Variants in DAZL observed in about 807,000 individuals in gnomAD.
The protein encoded by DAZL is deleted in azoospermia-like.
Under a neutral mutation model 45.0 loss-of-function variants are expected in DAZL, and 4 were observed. The ratio of observed to expected loss-of-function variants is 0.09; its 90% CI spans 0.04 to 0.20. The LOEUF (loss-of-function observed/expected upper bound fraction) is 0.20, where lower values mean the gene tolerates loss of function less well. Ranked by LOEUF, DAZL falls within the 10% of genes least tolerant of loss-of-function variation. The pLI, the probability that DAZL is intolerant of heterozygous loss-of-function variation, is 1.00. For synonymous variants in DAZL, 122 were observed against 112.4 expected (o/e 1.09, Z -0.54); for missense variants, 326 against 351.3 (o/e 0.93, Z 0.58).
At chr3:16,590,305 G>A (rs78535035) in intron 10 of DAZL, among the ~76,000 whole-genome samples, 1,565 of 125,758 alleles carry the variant, frequency 0.012, 14 homozygotes, top group Non-Finnish European at 0.023. Flanking sequence ...TCTGCTATAC[G>A]GCTCTACTCT....
chr3:16,588,096 G>T lies in DAZL; in HGVS notation c.*564C>A. 6.3e-6 allele frequency: 1 copy of T among 158,816 alleles called. No homozygotes were observed. The allele number at this position is 158,816 out of a possible 1,614,324, so 9.8% of individuals were successfully genotyped here. On this transcript the variant is annotated 3_prime_UTR_variant, in exon 11 of 11. Coordinates refer to ENST00000399444, the MANE Select transcript of DAZL (RefSeq NM_001351.4). ...GAATAAACATATGACCCACTGATTGGACTGTTCGCTTTGAATCTGTTTTGC... is the reference window on the plus strand; with the variant it reads ...GAATAAACATATGACCCACTGATTGTACTGTTCGCTTTGAATCTGTTTTGC...
rs1309564743 is a variant in DAZL, at chr3:16,588,673, A to G, written c.875T>C (p.Leu292Pro). 1 of 1,611,504 alleles carries G rather than the reference A, an allele frequency of 6.2e-7. No individual in the cohort carries two copies. The highest frequency in any genetic ancestry group is 1.1e-5 in the South Asian group (1 of 91,026). Reference protein sequence around the residue: ...VHHFRRSRAMLKSV With the variant: ...VHHFRRSRAMPKSV ...AAGCCAGGAGGATCAAACAGATTTA[A>G]GCATTGCCCGACTTCTTCTAAAGTG... The change falls in exon 11 of 11, where the codon CTT becomes CCT. Residue 292 changes from leucine to proline, a missense_variant. This residue lies in a region of DAZL where 227 missense variants were observed against 216.6 expected (regional missense o/e 1.05). Coordinates refer to ENST00000399444, the MANE Select transcript of DAZL (RefSeq NM_001351.4).
intron 6 of DAZL, among the ~76,000 whole-genome samples, chr3:16,596,502 G>A (rs1490033194): frequency 1.3e-5 from 2 of 152,000 alleles, no homozygotes; most frequent in Admixed American, 1.3e-4. Context: ...GGGGAAAAAG[G>A]AAGAGATTTC....
At chr3:16,603,781 T>C (rs1363153455) in intron 1 of DAZL, among the ~76,000 whole-genome samples, 2 of 152,176 alleles carry the variant, frequency 1.3e-5, no homozygotes, top group African/African-American at 4.8e-5. Context: ...AAGATGCAAG[T>C]TGTAAAATAG....
At chr3:16,594,490 C>A in intron 8 of DAZL, 43 bp downstream of exon 8, 1 of 1,433,260 alleles carries the variant, frequency 7.0e-7, no homozygotes, top group Non-Finnish European at 9.5e-7. Flanking sequence ...AAAAAAAATA[C>A]TTTAAAATAA....
At chr3:16,588,787 A>G in intron 10 of DAZL, 74 bp from the exon 11 acceptor site, 1 of 1,210,584 alleles carries the variant, frequency 8.3e-7, no homozygotes, top group Middle Eastern at 1.9e-4. Flanking sequence ...AAAGTTGTCA[A>G]AAACTTAAAC....
At chr3:16,604,625 C>A in intron 1 of DAZL, 1 of 1,371,100 alleles carries the variant, frequency 7.3e-7, no homozygotes. Context: ...CCACGAACCC[C>A]GCCCACCCCA....
chr3:16,604,911 G>A, intron 1 of DAZL: 1 of 682,758 alleles, frequency 1.5e-6, no homozygotes. Flanking sequence ...ACCGGGAAAT[G>A]GGTGCCTCAA....
chr3:16,604,573 G>A (rs1298576117), intron 1 of DAZL: 6 of 1,424,252 alleles, frequency 4.2e-6, no homozygotes, highest in Admixed American at 2.9e-5. Flanking sequence ...CTCAGCTACA[G>A]GGCCATGCCT....
intron 10 of DAZL, among the ~76,000 whole-genome samples, chr3:16,589,326 G>A (rs1325196042): frequency 6.6e-6 from 1 of 152,164 alleles, no homozygotes; most frequent in Non-Finnish European, 1.5e-5. Context: ...ATGGGACTAA[G>A]CAAATGAGTA....
In DAZL at chr3:16,598,128, T is replaced by C; in HGVS notation, c.201A>G (p.Lys67=). The C allele has an allele frequency of 6.2e-7, 1 of 1,601,032 alleles. No individual in the cohort carries two copies. Among genetic ancestry groups the C allele is most frequent in the Non-Finnish European group, 8.5e-7 (1 of 1,170,864 alleles). Residue 67 remains lysine, a synonymous_variant, in exon 3 of 11, where the codon AAA becomes AAG. Coordinates refer to ENST00000399444, the MANE Select transcript of DAZL (RefSeq NM_001351.4). ...TTCGATCAGTGATTATCTTCACTTCTTTCACTGAACCATATCTAGCAAAGA... is the reference window on the plus strand; with the variant it reads ...TTCGATCAGTGATTATCTTCACTTCCTTCACTGAACCATATCTAGCAAAGA... ...RSFFARYGSV[K]EVKIITDRTG... is the part of the protein sequence containing the mutation.
intron 7 of DAZL, among the ~76,000 whole-genome samples, chr3:16,594,967 G>A (rs1346561507): frequency 6.6e-6 from 1 of 151,984 alleles, no homozygotes; most frequent in Non-Finnish European, 1.5e-5. Flanking sequence ...TCTAAGAATT[G>A]GATAATTTTA....
At chr3:16,601,310 T>C (rs1213496726) in intron 1 of DAZL, among the ~76,000 whole-genome samples, 1 of 152,192 alleles carries the variant, frequency 6.6e-6, no homozygotes, top group Non-Finnish European at 1.5e-5. Flanking sequence ...AGTCTGACTT[T>C]GGCTTGGATC....
At chr3:16,593,301 G>C (rs34795494) in intron 9 of DAZL, among the ~76,000 whole-genome samples, 21,310 of 152,110 alleles carry the variant, frequency 0.14, 1,936 homozygotes, top group East Asian at 0.46. Flanking sequence ...TGGGCTATCT[G>C]AAATTTCACC....
intron 4 of DAZL, 45 bp downstream of exon 4, chr3:16,597,445 A>T: frequency 8.5e-7 from 1 of 1,180,136 alleles, no homozygotes; most frequent in South Asian, 1.2e-5. Context: ...GACACTAAAC[A>T]TTGTATCAAT....
chr3:16,604,760 T>C (rs918969513), intron 1 of DAZL: 2 of 1,347,482 alleles, frequency 1.5e-6, no homozygotes, highest in East Asian at 5.8e-5. Flanking sequence ...GCGCCAGAAA[T>C]GAGGCTGGCG....
chr3:16,592,204 A>T, intron 9 of DAZL, 56 bp from the exon 10 acceptor site: 1 of 1,596,250 alleles, frequency 6.3e-7, no homozygotes, highest in African/African-American at 1.4e-5. Context: ...CACTCTTAGT[A>T]AGGGTTTTTT....
intron 4 of DAZL, 66 bp downstream of exon 4, chr3:16,597,424 G>C (rs1412910804): frequency 1.9e-6 from 2 of 1,035,646 alleles, no homozygotes; most frequent in East Asian, 4.8e-5. Flanking sequence ...ACAAGACTGA[G>C]TATATCACTT....
intron 7 of DAZL, among the ~76,000 whole-genome samples, chr3:16,595,038 A>G (rs985547127): frequency 6.8e-6 from 1 of 147,490 alleles, no homozygotes; most frequent in Non-Finnish European, 1.5e-5. Context: ...GCTATTTGAC[A>G]GCAAAGATGA....
Sources: allele counts gnomAD v4.1 joint callset (sites outside exome capture counted in the v4.1 genomes callset), GRCh38; gene constraint gnomAD v4.1.1; regional missense constraint gnomAD v4.1.1; transcripts MANE v1.5; gene names NCBI Gene and HGNC (gene_info 2026-07-23, HGNC 2026-07-21).